Variants in L3MBTL4 observed in about 807,000 individuals in gnomAD.
The protein encoded by L3MBTL4 is L3MBTL histone methyl-lysine binding protein 4.
A neutral mutation model predicts 84.5 loss-of-function variants in L3MBTL4; 70 were observed. The observed-to-expected ratio is 0.83, with a 90% CI of 0.68 to 1.01. The LOEUF (loss-of-function observed/expected upper bound fraction) is 1.01. Ranked by LOEUF, L3MBTL4 falls within the 50% of genes least tolerant of loss-of-function variation. The pLI is 0.00. For synonymous variants in L3MBTL4, 274 were observed against 259.8 expected (o/e 1.05, Z -0.52); for missense variants, 715 against 754.8 (o/e 0.95, Z 0.62).
At chr18:6,083,956 C>A (rs2058171423) in intron 15 of L3MBTL4, among the ~76,000 whole-genome samples, 1 of 152,156 alleles carries the variant, frequency 6.6e-6, no homozygotes, top group Non-Finnish European at 1.5e-5. Flanking sequence ...GACCCTCTTT[C>A]TAGGCTTCCA....
chr18:6,308,864 C>A (rs2050706731), intron 3 of L3MBTL4, among the ~76,000 whole-genome samples: 1 of 152,076 alleles, frequency 6.6e-6, no homozygotes, highest in African/African-American at 2.4e-5. Flanking sequence ...TAATTTAATT[C>A]TTACTTTACT....
intron 16 of L3MBTL4, among the ~76,000 whole-genome samples, chr18:6,016,791 T>TAGGG (rs2145447384): frequency 6.6e-6 from 1 of 152,288 alleles, no homozygotes; most frequent in South Asian, 2.1e-4. Flanking sequence ...ATTGGGAAGT[T>TAGGG]TTCCTGGTGA....
intron 12 of L3MBTL4, among the ~76,000 whole-genome samples, chr18:6,205,017 A>C (rs1017224795): frequency 5.3e-5 from 8 of 152,244 alleles, no homozygotes; most frequent in African/African-American, 1.9e-4. Context: ...ATAGGCTCCC[A>C]AAGATGTCGA....
chr18:6,143,753 T>C (rs2144715342), intron 13 of L3MBTL4, among the ~76,000 whole-genome samples: 1 of 152,328 alleles, frequency 6.6e-6, no homozygotes, highest in South Asian at 2.1e-4. Flanking sequence ...TTTATCTGCT[T>C]CTATCACCTG....
chr18:6,103,364 A>C (rs546310476), intron 14 of L3MBTL4, among the ~76,000 whole-genome samples: 3 of 152,342 alleles, frequency 2.0e-5, no homozygotes, highest in African/African-American at 7.2e-5. Context: ...AGTGGTATGA[A>C]CATGTCAAGA....
chr18:6,030,619 T>C, intron 16 of L3MBTL4: 1 of 800,628 alleles, frequency 1.2e-6, no homozygotes, highest in Non-Finnish European at 1.5e-6. Context: ...TCGCCTCAGC[T>C]TCCTGAGTAG....
chr18:6,031,771 T>C (rs879233090), intron 16 of L3MBTL4: 3 of 984,350 alleles, frequency 3.0e-6, no homozygotes, highest in South Asian at 4.7e-5. Context: ...TGTGTGCCTA[T>C]CTGCAGTCAT....
intron 1 of L3MBTL4, among the ~76,000 whole-genome samples, chr18:6,410,364 A>G (rs1412986815): frequency 6.6e-6 from 1 of 152,214 alleles, no homozygotes. Context: ...GTACTTACAT[A>G]TGTTTGGCTG....
chr18:6,190,743 G>A (rs1004403371), intron 12 of L3MBTL4, among the ~76,000 whole-genome samples: 1 of 152,164 alleles, frequency 6.6e-6, no homozygotes, highest in Admixed American at 6.5e-5. Flanking sequence ...GTAAAAGCTG[G>A]AAAGGTGAGA....
At chr18:6,144,197 A>AAAAAAG (rs2042550052) in intron 13 of L3MBTL4, among the ~76,000 whole-genome samples, 1 of 95,278 alleles carries the variant, frequency 1.0e-5, no homozygotes, top group East Asian at 2.6e-4. Flanking sequence ...CTCCATCTCC[A>AAAAAAG]AAAAAAAAAA....
chr18:6,199,496 C>T (rs1323143568), intron 12 of L3MBTL4, among the ~76,000 whole-genome samples: 1 of 152,138 alleles, frequency 6.6e-6, no homozygotes, highest in Non-Finnish European at 1.5e-5. Flanking sequence ...CAGCACTGGC[C>T]TAGGCAATGG....
intron 13 of L3MBTL4, among the ~76,000 whole-genome samples, chr18:6,171,273 CA>C (rs911231110): frequency 6.6e-6 from 1 of 151,700 alleles, no homozygotes; most frequent in Admixed American, 6.6e-5. Context: ...CTCCTTCAGA[CA>C]AAAAAATAAG....
chr18:6,084,780 T>G (rs1326270399), intron 15 of L3MBTL4, among the ~76,000 whole-genome samples: 1 of 152,208 alleles, frequency 6.6e-6, no homozygotes, highest in Non-Finnish European at 1.5e-5. Flanking sequence ...GGAGGACATT[T>G]TCTGCATACA....
At chr18:6,272,091 G>A (rs1179731061) in intron 4 of L3MBTL4, among the ~76,000 whole-genome samples, 1 of 152,218 alleles carries the variant, frequency 6.6e-6, no homozygotes, top group African/African-American at 2.4e-5. Context: ...TCAGGAGACG[G>A]GACGTCTCAG....
chr18:6,247,722 T>A (rs1301659532), intron 5 of L3MBTL4, among the ~76,000 whole-genome samples: 1 of 150,408 alleles, frequency 6.6e-6, no homozygotes, highest in Non-Finnish European at 1.5e-5. Flanking sequence ...CTAGAACTCC[T>A]GTCCTCTGGT....
intron 12 of L3MBTL4, among the ~76,000 whole-genome samples, chr18:6,183,284 A>G (rs565503857): frequency 6.6e-6 from 1 of 152,364 alleles, no homozygotes; most frequent in South Asian, 2.1e-4. Context: ...GTGTAAAGAC[A>G]AATGATCTCC....
At chr18:6,201,215 G>T (rs2045635267) in intron 12 of L3MBTL4, among the ~76,000 whole-genome samples, 1 of 152,164 alleles carries the variant, frequency 6.6e-6, no homozygotes, top group Non-Finnish European at 1.5e-5. Context: ...ATTCATGTAA[G>T]AAGACAGTGA....
intron 10 of L3MBTL4, among the ~76,000 whole-genome samples, chr18:6,217,486 C>A (rs1445832856): frequency 6.6e-6 from 1 of 152,124 alleles, no homozygotes; most frequent in Non-Finnish European, 1.5e-5. Context: ...TATAATATTC[C>A]ATTATGTGAG....
intron 14 of L3MBTL4, among the ~76,000 whole-genome samples, chr18:6,105,183 A>ATTTT (rs869169400): frequency 2.6e-4 from 26 of 100,416 alleles, no homozygotes; most frequent in Non-Finnish European, 3.7e-4. Flanking sequence ...AACACCACCA[A>ATTTT]TTTTTTTTTT....
Sources: allele counts gnomAD v4.1 joint callset (sites outside exome capture counted in the v4.1 genomes callset), GRCh38; gene constraint gnomAD v4.1.1; transcripts MANE v1.5; gene names NCBI Gene and HGNC (gene_info 2026-07-23, HGNC 2026-07-21).